SGCZ: variants seen among roughly 807,000 people sequenced by gnomAD.
SGCZ encodes sarcoglycan zeta.
SGCZ carries 40 observed loss-of-function variants against 41.3 expected under a neutral mutation model. That is an observed-to-expected ratio of 0.97 (90% CI 0.75 to 1.26). SGCZ has a LOEUF of 1.26. SGCZ is among the 50% of genes most tolerant of loss of function. SGCZ has a pLI of 0.00. For synonymous variants in SGCZ, 206 were observed against 137.5 expected (o/e 1.50, Z -3.49); for missense variants, 552 against 369.8 (o/e 1.49, Z -4.04).
At chr8:14,415,308 T>A (rs904896460) in intron 2 of SGCZ, among the ~76,000 whole-genome samples, 7 of 151,946 alleles carry the variant, frequency 4.6e-5, no homozygotes, top group African/African-American at 1.7e-4. Flanking sequence ...CAACAGAATA[T>A]GAGTGCTTTC....
intron 2 of SGCZ, among the ~76,000 whole-genome samples, chr8:14,519,637 C>T (rs1802730147): frequency 6.6e-6 from 1 of 152,048 alleles, no homozygotes; most frequent in Admixed American, 6.6e-5. Context: ...ATTTCCTGGC[C>T]TCTCTACCTT....
chr8:14,452,234 C>T (rs1036964618), intron 2 of SGCZ, among the ~76,000 whole-genome samples: 3 of 152,142 alleles, frequency 2.0e-5, no homozygotes, highest in South Asian at 2.1e-4. Flanking sequence ...TATATGATTT[C>T]AACTATATGA....
chr8:14,901,066 C>T (rs1417501327), intron 1 of SGCZ, among the ~76,000 whole-genome samples: 4 of 152,130 alleles, frequency 2.6e-5, no homozygotes, highest in Non-Finnish European at 4.4e-5. Context: ...AGAATGCTTA[C>T]TCAAAGGAAG....
intron 1 of SGCZ, among the ~76,000 whole-genome samples, chr8:14,795,692 G>C (rs1201643004): frequency 1.3e-5 from 2 of 152,072 alleles, no homozygotes; most frequent in Non-Finnish European, 2.9e-5. Flanking sequence ...TTCATTTCAA[G>C]TTCAGGGGTA....
intron 1 of SGCZ, among the ~76,000 whole-genome samples, chr8:14,751,908 G>C (rs917314136): frequency 6.6e-6 from 1 of 150,892 alleles, no homozygotes; most frequent in Non-Finnish European, 1.5e-5. Context: ...CTCCAGCTTG[G>C]GCTACAGAGT....
intron 1 of SGCZ, among the ~76,000 whole-genome samples, chr8:15,022,742 A>G (rs1585482921): frequency 6.6e-6 from 1 of 152,244 alleles, no homozygotes; most frequent in Non-Finnish European, 1.5e-5. Flanking sequence ...GGCAATAGTA[A>G]TAACTATTAT....
chr8:15,000,369 T>C (rs1034552706), intron 1 of SGCZ, among the ~76,000 whole-genome samples: 1 of 152,186 alleles, frequency 6.6e-6, no homozygotes, highest in African/African-American at 2.4e-5. Flanking sequence ...GAGGGTGTCC[T>C]AGTGATATAG....
intron 2 of SGCZ, among the ~76,000 whole-genome samples, chr8:14,449,756 A>G (rs1800538241): frequency 6.6e-6 from 1 of 152,160 alleles, no homozygotes; most frequent in South Asian, 2.1e-4. Context: ...AATTGTGGCC[A>G]TATTCTAGGC....
At chr8:14,497,132 T>C in intron 2 of SGCZ, among the ~76,000 whole-genome samples, 1 of 152,174 alleles carries the variant, frequency 6.6e-6, no homozygotes, top group Non-Finnish European at 1.5e-5. Context: ...GGGGTTGTGT[T>C]AGTCCATTTA....
At chr8:15,132,955 C>A (rs967160817) in intron 1 of SGCZ, among the ~76,000 whole-genome samples, 1 of 152,056 alleles carries the variant, frequency 6.6e-6, no homozygotes, top group South Asian at 2.1e-4. Flanking sequence ...AGCCTGGCAA[C>A]ATGATGAAAC....
At chr8:14,866,691 T>G (rs1041948526) in intron 1 of SGCZ, among the ~76,000 whole-genome samples, 1 of 151,958 alleles carries the variant, frequency 6.6e-6, no homozygotes, top group Non-Finnish European at 1.5e-5. Context: ...ATGCTTCTAG[T>G]CTCAGCAACT....
At chr8:15,156,034 G>A (rs1386750442) in intron 1 of SGCZ, among the ~76,000 whole-genome samples, 2 of 136,102 alleles carry the variant, frequency 1.5e-5, no homozygotes, top group Non-Finnish European at 3.0e-5. Context: ...CTCCAGCCTG[G>A]GTGACAGAGT....
chr8:14,303,095 T>G (rs1055881791), intron 3 of SGCZ, among the ~76,000 whole-genome samples: 1 of 152,158 alleles, frequency 6.6e-6, no homozygotes, highest in Non-Finnish European at 1.5e-5. Context: ...ATGCCCACTT[T>G]TACCTGTGAT....
intron 5 of SGCZ, among the ~76,000 whole-genome samples, chr8:14,125,888 C>A (rs1002783543): frequency 6.6e-6 from 1 of 151,898 alleles, no homozygotes; most frequent in Non-Finnish European, 1.5e-5. Flanking sequence ...ATTCCCTATT[C>A]AATAAATGGT....
At chr8:14,389,792 T>C (rs1004096765) in intron 2 of SGCZ, among the ~76,000 whole-genome samples, 3 of 151,976 alleles carry the variant, frequency 2.0e-5, no homozygotes, top group African/African-American at 7.2e-5. Context: ...AAAAAATAAC[T>C]ATGACTAATA....
chr8:14,092,078 C>T (rs1421223555), intron 7 of SGCZ, among the ~76,000 whole-genome samples: 1 of 152,062 alleles, frequency 6.6e-6, no homozygotes, highest in East Asian at 1.9e-4. Context: ...ATAGGGAATC[C>T]TTTCCCCATT....
chr8:14,260,492 G>A (rs894852584), intron 3 of SGCZ, among the ~76,000 whole-genome samples: 12 of 146,556 alleles, frequency 8.2e-5, no homozygotes, highest in African/African-American at 2.5e-4. Flanking sequence ...CTTTTACACT[G>A]TTGGCGGGAC....
At chr8:14,759,269 T>C (rs1285890502) in intron 1 of SGCZ, among the ~76,000 whole-genome samples, 1 of 152,086 alleles carries the variant, frequency 6.6e-6, no homozygotes, top group Non-Finnish European at 1.5e-5. Context: ...AGGATATTGC[T>C]GAGAAGAAAA....
In SGCZ at chr8:14,140,649, C is replaced by T. The variant is rs1803340457; in HGVS notation, c.547+23931G>A. Among the ~76,000 whole-genome samples, 3 of 152,168 alleles carry T rather than the reference C, an allele frequency of 2.0e-5. No individual in the cohort carries two copies. In the South Asian group the frequency reaches 6.2e-4, roughly 32 times the overall value. On this transcript the variant is annotated intron_variant, in intron 5 of 7. Transcript: ENST00000382080. ...GACCTCTTCAAGGAGAACTACAAAC[C>T]ACTGCTCAACAAGATAAAAGAGGAA...
Sources: gnomAD v4.1 joint callset for allele counts (sites outside exome capture counted in the v4.1 genomes callset) on GRCh38, gnomAD v4.1.1 for gene constraint, MANE v1.5 for transcripts, NCBI Gene and HGNC (gene_info 2026-07-23, HGNC 2026-07-21) for gene names.